ALK: variants seen among roughly 807,000 people sequenced by gnomAD.
The protein encoded by ALK is ALK receptor tyrosine kinase.
In ALK, 74 loss-of-function variants were observed where a neutral mutation model predicts 163.1. That is an observed-to-expected ratio of 0.45 (90% CI 0.38 to 0.55). The LOEUF is 0.55. ALK is among the 20% of genes least tolerant of loss of function. The pLI, the probability that ALK is intolerant of heterozygous loss-of-function variation, is 0.00. For synonymous variants in ALK, 960 were observed against 843.2 expected (o/e 1.14, Z -2.40); for missense variants, 2,063 against 2,105.3 (o/e 0.98, Z 0.39).
chr2:29,820,779 A>G (rs541090596), intron 1 of ALK, among the ~76,000 whole-genome samples: 47 of 152,216 alleles, frequency 3.1e-4, no homozygotes, highest in Non-Finnish European at 3.4e-4. Flanking sequence ...TCCTCTTAGA[A>G]GAACAGAAGT....
At chr2:29,676,305 A>T (rs1484473116) in intron 3 of ALK, among the ~76,000 whole-genome samples, 1 of 151,896 alleles carries the variant, frequency 6.6e-6, no homozygotes, top group Non-Finnish European at 1.5e-5. Context: ...TGTCATTTTC[A>T]TTTTCTTGGG....
chr2:29,886,597 A>G (rs1666990384), intron 1 of ALK, among the ~76,000 whole-genome samples: 1 of 152,220 alleles, frequency 6.6e-6, no homozygotes, highest in Non-Finnish European at 1.5e-5. Flanking sequence ...AGCTAACACT[A>G]CCTTGTCAGG....
intron 4 of ALK, among the ~76,000 whole-genome samples, chr2:29,402,231 G>C (rs962557415): frequency 6.6e-6 from 1 of 152,242 alleles, no homozygotes. Context: ...TTGTGTGGGG[G>C]GCCAGGGGCT....
intron 5 of ALK, among the ~76,000 whole-genome samples, chr2:29,331,425 C>T (rs894362837): frequency 6.6e-6 from 1 of 152,166 alleles, no homozygotes; most frequent in Admixed American, 6.5e-5. Context: ...CAATCCCCCA[C>T]TGTATGGAGG....
chr2:29,362,928 A>G (rs1042792898), intron 5 of ALK, among the ~76,000 whole-genome samples: 3 of 152,222 alleles, frequency 2.0e-5, no homozygotes, highest in Non-Finnish European at 4.4e-5. Context: ...TCCCATTTAC[A>G]TGGGTTGCTA....
chr2:29,609,096 G>C, intron 3 of ALK, among the ~76,000 whole-genome samples: 1 of 152,024 alleles, frequency 6.6e-6, no homozygotes, highest in Non-Finnish European at 1.5e-5. Flanking sequence ...GCTAAGTTTT[G>C]TATTTTTAGT....
At chr2:29,500,632 C>A (rs1355926784) in intron 4 of ALK, among the ~76,000 whole-genome samples, 1 of 152,112 alleles carries the variant, frequency 6.6e-6, no homozygotes, top group Non-Finnish European at 1.5e-5. Flanking sequence ...CTCCTCCCTG[C>A]TCCCTGCTTT....
intron 3 of ALK, among the ~76,000 whole-genome samples, chr2:29,570,508 T>C (rs1028206129): frequency 4.6e-5 from 7 of 152,136 alleles, no homozygotes; most frequent in African/African-American, 1.7e-4. Context: ...AGATTCTGGA[T>C]TGTGAGGGAT....
chr2:29,802,298 G>A (rs1250470661), intron 1 of ALK, among the ~76,000 whole-genome samples: 1 of 129,672 alleles, frequency 7.7e-6, no homozygotes, highest in Non-Finnish European at 1.6e-5. Flanking sequence ...GCAGAGAAGA[G>A]GAGGGGAGGG....
intron 4 of ALK, among the ~76,000 whole-genome samples, chr2:29,494,049 CTAAGGGTCCTCCTATGGG>C (rs1337379433): frequency 2.6e-5 from 4 of 152,174 alleles, no homozygotes; most frequent in Non-Finnish European, 5.9e-5. Context: ...GAGGACCTGT[CTAAGGGTCCTCCTATGGG>C]CAATAAGAAG....
intron 5 of ALK, among the ~76,000 whole-genome samples, chr2:29,349,963 A>G (rs1668069966): frequency 6.6e-6 from 1 of 152,206 alleles, no homozygotes; most frequent in South Asian, 2.1e-4. Context: ...TGAAACAGGA[A>G]TGTTACCCAC....
At chr2:29,220,665 C>T (rs2148166150) in intron 23 of ALK, 41 bp downstream of exon 23, 1 of 1,612,586 alleles carries the variant, frequency 6.2e-7, no homozygotes, top group Non-Finnish European at 8.5e-7. Context: ...TTGCTCCTGT[C>T]CTTGGCACAA....
chr2:29,919,698 C>T (rs1157826982), intron 1 of ALK, among the ~76,000 whole-genome samples: 2 of 152,096 alleles, frequency 1.3e-5, no homozygotes, highest in African/African-American at 2.4e-5. Flanking sequence ...GGAAGAGGGG[C>T]GCCCAATTTT....
intron 1 of ALK, among the ~76,000 whole-genome samples, chr2:29,823,589 A>C (rs541581493): frequency 6.6e-6 from 1 of 152,034 alleles, no homozygotes; most frequent in African/African-American, 2.4e-5. Flanking sequence ...AGCAAAGGTG[A>C]CTCTTGTTAT....
At chr2:29,479,681 T>A (rs1210327627) in intron 4 of ALK, among the ~76,000 whole-genome samples, 1 of 152,188 alleles carries the variant, frequency 6.6e-6, no homozygotes, top group Non-Finnish European at 1.5e-5. Context: ...GCAATTTGAT[T>A]GAAGACCACA....
At chr2:29,868,818 G>C (rs913820126) in intron 1 of ALK, among the ~76,000 whole-genome samples, 1 of 151,280 alleles carries the variant, frequency 6.6e-6, no homozygotes, top group Non-Finnish European at 1.5e-5. Context: ...GGACAGACTT[G>C]TGACCGTGGC....
intron 1 of ALK, among the ~76,000 whole-genome samples, chr2:29,778,553 G>A (rs191854875): frequency 2.9e-4 from 44 of 152,286 alleles, no homozygotes; most frequent in Admixed American, 9.8e-4. Flanking sequence ...ATACATACAC[G>A]TGCATGCATG....
intron 1 of ALK, among the ~76,000 whole-genome samples, chr2:29,888,488 C>A (rs1320756554): frequency 1.3e-5 from 2 of 152,252 alleles, no homozygotes; most frequent in African/African-American, 2.4e-5. Context: ...CCCATCGAAA[C>A]AAGTGCAGAT....
At chr2:29,875,194 A>G (rs957849634) in intron 1 of ALK, among the ~76,000 whole-genome samples, 19 of 152,346 alleles carry the variant, frequency 1.2e-4, no homozygotes, top group African/African-American at 4.3e-4. Context: ...TCAGAAAAGA[A>G]TGAAATTCTG....
Sources: gnomAD v4.1 joint callset for allele counts (sites outside exome capture counted in the v4.1 genomes callset) on GRCh38, gnomAD v4.1.1 for gene constraint, MANE v1.5 for transcripts, NCBI Gene and HGNC (gene_info 2026-07-23, HGNC 2026-07-21) for gene names.